Variants in NIN observed in about 807,000 individuals in gnomAD.
The protein encoded by NIN is ninein.
Under a neutral mutation model 257.6 loss-of-function variants are expected in NIN, and 137 were observed. The ratio of observed to expected loss-of-function variants is 0.53; its 90% CI spans 0.46 to 0.61. The LOEUF (loss-of-function observed/expected upper bound fraction) is 0.61, where lower values mean the gene tolerates loss of function less well. Ranked by LOEUF, NIN falls within the 20% of genes least tolerant of loss-of-function variation. The probability of loss-of-function intolerance (pLI) is 0.00; values close to 1 mark genes in which losing one functional copy is unlikely to be tolerated. For synonymous variants in NIN, 918 were observed against 919.8 expected, an observed-to-expected ratio of 1.00 and a Z score of 0.04; for missense variants, 2,439 against 2,501.2, an observed-to-expected ratio of 0.98 and a Z score of 0.53.
intron 4 of NIN, among the ~76,000 whole-genome samples, chr14:50,796,134 A>AT (rs2043827919): frequency 6.6e-6 from 1 of 151,934 alleles, no homozygotes; most frequent in African/African-American, 2.4e-5. Context: ...CTTCTTTCCC[A>AT]TTTTCCATTT....
At chr14:50,828,869 T>C (rs1020092749) in intron 2 of NIN, among the ~76,000 whole-genome samples, 1 of 152,156 alleles carries the variant, frequency 6.6e-6, no homozygotes, top group Non-Finnish European at 1.5e-5. Context: ...ATATTAAGGG[T>C]CATTACACAT....
chr14:50,781,999 C>A (rs2043152807), intron 5 of NIN, among the ~76,000 whole-genome samples: 1 of 146,974 alleles, frequency 6.8e-6, no homozygotes. Context: ...TAAGAAGCAA[C>A]ATAATTAAAA....
At chr14:50,726,737 G>C (rs1456089531) in intron 29 of NIN, among the ~76,000 whole-genome samples, 1 of 152,180 alleles carries the variant, frequency 6.6e-6, no homozygotes, top group Non-Finnish European at 1.5e-5. Context: ...GTGAGTTTTG[G>C]AGAGGAGAGA....
At chr14:50,800,818 G>A (rs1161446951) in intron 4 of NIN, among the ~76,000 whole-genome samples, 1 of 149,714 alleles carries the variant, frequency 6.7e-6, no homozygotes, top group East Asian at 2.0e-4. Flanking sequence ...GTTTCGCTCT[G>A]GTTGCCCAAG....
At chr14:50,805,984 C>T (rs775812341) in intron 4 of NIN, 2 of 152,048 alleles carry the variant, frequency 1.3e-5, no homozygotes, top group Non-Finnish European at 1.5e-5. Flanking sequence ...ACACATCTAC[C>T]ATATTTCATT....
intron 4 of NIN, chr14:50,794,624 G>T (rs1230466746): frequency 1.7e-5 from 3 of 177,180 alleles, no homozygotes; most frequent in Non-Finnish European, 3.3e-5. Context: ...GACTATAGGG[G>T]TTTGGAAAAG....
chr14:50,821,637 T>C (rs1055491146), intron 3 of NIN, among the ~76,000 whole-genome samples: 16 of 152,240 alleles, frequency 1.1e-4, no homozygotes, highest in African/African-American at 3.9e-4. Context: ...CATCCTTTCA[T>C]TGCCTCTTTA....
Position 50,726,162 on chromosome 14 carries a change from GT to G in NIN, c.6079-97del, listed in dbSNP as rs2040403524. 17 of 960,284 alleles carry G rather than the reference GT, an allele frequency of 1.8e-5. 1 individual carries two copies. The South Asian group carries it at 2.5e-4, about 14-fold the overall frequency. The allele number at this position is 960,284 out of a possible 1,614,324, so 59.5% of individuals were successfully genotyped here. A position where few individuals can be genotyped will look rare whatever the true frequency, so the allele number is the denominator to read the frequency against. On this transcript the variant is annotated intron_variant, in intron 29 of 30. Transcript: ENST00000530997. Reference sequence around the variant, plus strand: ...GATGCCTAGAGAAAGGACAGCAAATGTTTTGCCTTTGTAACAGGAAGGATGG... The same window carrying G: ...GATGCCTAGAGAAAGGACAGCAAATGTTTGCCTTTGTAACAGGAAGGATGG...
chr14:50,727,628 A>G (rs897660319), intron 29 of NIN: 3 of 1,443,692 alleles, frequency 2.1e-6, no homozygotes, highest in Non-Finnish European at 2.8e-6. Context: ...GTGTGTGTGC[A>G]TGGGTGGGTG....
chr14:50,734,816 A>G (rs1482924512), intron 28 of NIN, among the ~76,000 whole-genome samples: 1 of 151,188 alleles, frequency 6.6e-6, no homozygotes, highest in Non-Finnish European at 1.5e-5. Context: ...AGCTGGGACT[A>G]CAGGTACGTG....
intron 3 of NIN, among the ~76,000 whole-genome samples, chr14:50,821,455 C>A (rs2045217266): frequency 6.6e-6 from 1 of 152,186 alleles, no homozygotes; most frequent in African/African-American, 2.4e-5. Flanking sequence ...ATACTTCACC[C>A]AGAAATAATC....
rs1028475114 is a variant in NIN at position 50,719,798 on chromosome 14, G to A, written c.*3665C>T. The A allele has an allele frequency of 5.3e-6, 1 of 188,966 alleles. No homozygotes were observed. The highest frequency in any genetic ancestry group is 1.1e-5 in the Non-Finnish European group (1 of 89,616). 11.7% of individuals were successfully genotyped at this position (188,966 alleles called of 1,614,324 possible). ...ACTGAAACTTTATTAAAAGGTCAGG[G>A]TATATAGAAAACAAAAGGCATGTTT... is the stretch of plus-strand genomic sequence containing the variant. On this transcript the variant is annotated 3_prime_UTR_variant, in exon 31 of 31. Transcript: ENST00000530997.
intron 28 of NIN, among the ~76,000 whole-genome samples, chr14:50,731,295 C>T (rs916954584): frequency 3.9e-5 from 6 of 152,010 alleles, no homozygotes; most frequent in African/African-American, 1.2e-4. Context: ...TTTGGGAGGC[C>T]GAGGTGGGCG....
chr14:50,743,712 C>T (rs988040334), intron 23 of NIN, among the ~76,000 whole-genome samples, 183 bp from the exon 24 acceptor site: 2 of 152,246 alleles, frequency 1.3e-5, no homozygotes, highest in Middle Eastern at 3.4e-3. Context: ...CTGTTTTACA[C>T]GTCTAATTTT....
chr14:50,768,052 AACACAC>A (rs61028485), intron 12 of NIN, among the ~76,000 whole-genome samples: 40,582 of 138,840 alleles, frequency 0.29, 5,737 homozygotes, highest in Middle Eastern at 0.35. Flanking sequence ...CACATTTGCC[AACACAC>A]ACACACACAC....
At chr14:50,817,823 C>G (rs1485140568) in intron 3 of NIN, among the ~76,000 whole-genome samples, 1 of 152,068 alleles carries the variant, frequency 6.6e-6, no homozygotes, top group African/African-American at 2.4e-5. Context: ...TCAAGCAATT[C>G]TCCTGTCTCA....
chr14:50,827,756 C>CAAAAAAAA (rs370926505), intron 2 of NIN, among the ~76,000 whole-genome samples: 1 of 107,144 alleles, frequency 9.3e-6, no homozygotes, highest in East Asian at 2.6e-4. Flanking sequence ...GACTCCGTAT[C>CAAAAAAAA]AAAAAAAAAA....
At chr14:50,739,583 T>TA (rs2041173086) in intron 25 of NIN, 96 bp from the exon 26 acceptor site, 1 of 1,081,038 alleles carries the variant, frequency 9.3e-7, no homozygotes, top group African/African-American at 1.6e-5. Flanking sequence ...CAACGACTCC[T>TA]AATAAGTACC....
chr14:50,818,089 C>T (rs1257002392), intron 3 of NIN, among the ~76,000 whole-genome samples: 3 of 151,362 alleles, frequency 2.0e-5, no homozygotes, highest in Non-Finnish European at 2.9e-5. Flanking sequence ...TTTGGGAGGC[C>T]GAGGTGGGCG....
Sources: gnomAD v4.1 joint callset for allele counts (sites outside exome capture counted in the v4.1 genomes callset) on GRCh38, gnomAD v4.1.1 for gene constraint, MANE v1.5 for transcripts, NCBI Gene and HGNC (gene_info 2026-07-23, HGNC 2026-07-21) for gene names.